KCTD8: variants seen among roughly 807,000 people sequenced by gnomAD.
KCTD8 encodes potassium channel tetramerization domain containing 8.
In KCTD8, 27 loss-of-function variants were observed where a neutral mutation model predicts 31.5. The ratio of observed to expected loss-of-function variants is 0.86; its 90% confidence interval spans 0.63 to 1.18. KCTD8 has a LOEUF of 1.18. KCTD8 is among the 50% of genes most tolerant of loss of function. The probability of loss-of-function intolerance (pLI) is 0.00; values close to 1 mark genes in which losing one functional copy is unlikely to be tolerated. For missense variants in KCTD8, 658 were observed against 647.7 expected, an observed-to-expected ratio of 1.02 and a Z score of -0.17; for synonymous variants, 290 against 280.0, an observed-to-expected ratio of 1.04 and a Z score of -0.36.
intron 1 of KCTD8, among the ~76,000 whole-genome samples, chr4:44,231,713 C>T (rs977126635): frequency 4.6e-5 from 7 of 152,100 alleles, no homozygotes; most frequent in Admixed American, 1.3e-4. Flanking sequence ...AAATTAATTG[C>T]ACTGTCCTTT....
At chr4:44,443,329 G>T (rs377131571) in intron 1 of KCTD8, among the ~76,000 whole-genome samples, 2 of 152,288 alleles carry the variant, frequency 1.3e-5, no homozygotes, top group East Asian at 3.9e-4. Flanking sequence ...GCTCATAAAA[G>T]ATGCAATTTT....
chr4:44,406,358 T>C (rs987397650), intron 1 of KCTD8, among the ~76,000 whole-genome samples: 1 of 152,200 alleles, frequency 6.6e-6, no homozygotes, highest in African/African-American at 2.4e-5. Context: ...TCTTGAATTA[T>C]ACTCCCATAA....
In KCTD8 at chr4:44,448,226, C is replaced by G. The variant is rs377066294; in HGVS notation, c.298G>C (p.Asp100His). 2 of 1,611,916 alleles carry G rather than the reference C, an allele frequency of 1.2e-6. No homozygotes were observed. The highest frequency in any genetic ancestry group is 1.3e-5 in the African/African-American group (1 of 74,852). ...PRDSRARFFI[D>H]RDGFLFRYVL... ...TACCTGAAAAGGAAGCCGTCCCGGT[C>G]GATGAAGAAGCGCGCCCGGCTGTCC... Residue 100 changes from aspartate (D) to histidine (H), a missense_variant, in exon 1 of 2, where the codon GAC becomes CAC. Coordinates refer to ENST00000360029, the MANE Select transcript of KCTD8 (RefSeq NM_198353.3). The surrounding 1 kb of genome is among the most constrained non-coding windows in gnomAD (Gnocchi z 4.1).
intron 1 of KCTD8, among the ~76,000 whole-genome samples, chr4:44,369,787 G>C (rs963825951): frequency 1.3e-5 from 2 of 151,666 alleles, no homozygotes; most frequent in Admixed American, 1.3e-4. Context: ...GCAACGGAGA[G>C]AGATTCTGCC....
intron 1 of KCTD8, among the ~76,000 whole-genome samples, chr4:44,312,490 T>C (rs1420866071): frequency 2.0e-5 from 3 of 151,820 alleles, no homozygotes; most frequent in Non-Finnish European, 4.4e-5. Flanking sequence ...GTAAATAAAA[T>C]TATTCAAGCA....
chr4:44,363,001 G>T (rs1357321117), intron 1 of KCTD8, among the ~76,000 whole-genome samples: 1 of 151,890 alleles, frequency 6.6e-6, no homozygotes, highest in Admixed American at 6.6e-5. Context: ...AAATAAGCAT[G>T]TTGTTATATG....
chr4:44,279,379 G>T (rs1207877299), intron 1 of KCTD8, among the ~76,000 whole-genome samples: 2 of 151,982 alleles, frequency 1.3e-5, no homozygotes, highest in Non-Finnish European at 2.9e-5. Context: ...TTCAGTTCCT[G>T]TCCATGCTTT....
chr4:44,279,240 G>A (rs371423461), intron 1 of KCTD8, among the ~76,000 whole-genome samples: 14 of 152,124 alleles, frequency 9.2e-5, no homozygotes, highest in African/African-American at 2.6e-4. Context: ...AAGTTCAGGC[G>A]CAGTGTGGCT....
At chr4:44,315,243 A>C (rs980127410) in intron 1 of KCTD8, among the ~76,000 whole-genome samples, 1 of 152,070 alleles carries the variant, frequency 6.6e-6, no homozygotes, top group Non-Finnish European at 1.5e-5. Context: ...GGATTAAAAG[A>C]AAGAAAATTA....
rs553444695 is a variant in KCTD8, at chr4:44,285,647, A to G, written c.962-110397T>C. Among the ~76,000 whole-genome samples, 91 of 152,208 alleles carry G rather than the reference A, an allele frequency of 6.0e-4. No homozygotes were observed. The Middle Eastern group carries it at 0.01, about 17-fold the overall frequency. Reference sequence around the variant, plus strand: ...AAAAGATATATTACTGCTTATTGACATTGCACTTAGTTACTCAAGAGCTCT... The same window carrying G: ...AAAAGATATATTACTGCTTATTGACGTTGCACTTAGTTACTCAAGAGCTCT... On this transcript the variant is annotated intron_variant, in intron 1 of 1. Coordinates refer to ENST00000360029, the MANE Select transcript of KCTD8 (RefSeq NM_198353.3).
At chr4:44,353,075 A>G (rs1009997246) in intron 1 of KCTD8, among the ~76,000 whole-genome samples, 1 of 152,172 alleles carries the variant, frequency 6.6e-6, no homozygotes, top group Non-Finnish European at 1.5e-5. Flanking sequence ...ATAAAGATAC[A>G]GAATGTTTCC....
intron 1 of KCTD8, among the ~76,000 whole-genome samples, chr4:44,303,467 A>G (rs62304843): frequency 0.23 from 35,115 of 151,722 alleles, 4,722 homozygotes; most frequent in Non-Finnish European, 0.31. Context: ...TGTGTCGAGG[A>G]ATTTATCCAT....
chr4:44,293,061 A>G (rs901722284), intron 1 of KCTD8, among the ~76,000 whole-genome samples: 3 of 152,108 alleles, frequency 2.0e-5, no homozygotes, highest in Non-Finnish European at 2.9e-5. Flanking sequence ...AGAGATGTTG[A>G]TAAAATGCTC....
At chr4:44,346,379 G>T (rs1031535228) in intron 1 of KCTD8, among the ~76,000 whole-genome samples, 1 of 151,956 alleles carries the variant, frequency 6.6e-6, no homozygotes, top group South Asian at 2.1e-4. Flanking sequence ...CTTATATTCT[G>T]GAGATATTTT....
chr4:44,193,585 C>G (rs996761601), intron 1 of KCTD8, among the ~76,000 whole-genome samples: 1 of 151,408 alleles, frequency 6.6e-6, no homozygotes, highest in African/African-American at 2.4e-5. Flanking sequence ...TGAGTATTAT[C>G]ATTTATTTAG....
At chr4:44,262,918 G>T (rs1412811064) in intron 1 of KCTD8, among the ~76,000 whole-genome samples, 1 of 152,076 alleles carries the variant, frequency 6.6e-6, no homozygotes, top group Non-Finnish European at 1.5e-5. Context: ...TGATGTTATT[G>T]TAATTGGTAT....
intron 1 of KCTD8, among the ~76,000 whole-genome samples, chr4:44,376,375 G>C (rs1719916636): frequency 6.6e-6 from 1 of 152,130 alleles, no homozygotes; most frequent in South Asian, 2.1e-4. Context: ...GCTAAGATTT[G>C]CAAAAAGGTT....
intron 1 of KCTD8, among the ~76,000 whole-genome samples, chr4:44,269,821 C>T (rs931795589): frequency 3.6e-4 from 54 of 152,080 alleles, no homozygotes; most frequent in Non-Finnish European, 7.1e-4. Flanking sequence ...CAGAGAAATG[C>T]AAATCAAAAC....
chr4:44,203,244 T>C (rs1714201766), intron 1 of KCTD8, among the ~76,000 whole-genome samples: 1 of 152,106 alleles, frequency 6.6e-6, no homozygotes, highest in African/African-American at 2.4e-5. Flanking sequence ...GGCTCACACC[T>C]ATAATCCCAA....
Sources: allele counts gnomAD v4.1 joint callset (sites outside exome capture counted in the v4.1 genomes callset), GRCh38; gene constraint gnomAD v4.1.1; non-coding constraint Gnocchi (gnomAD v3.1); transcripts MANE v1.5; gene names NCBI Gene and HGNC (gene_info 2026-07-23, HGNC 2026-07-21).